The following CD99 variants were observed in gnomAD, a reference collection of about 807,000 sequenced individuals.
CD99 encodes CD99 molecule (Xg blood group), also known as CD99 antigen.
Under a neutral mutation model 28.4 loss-of-function variants are expected in CD99, and 19 were observed. The observed-to-expected ratio is 0.67, with a 90% confidence interval of 0.47 to 0.98. The LOEUF (loss-of-function observed/expected upper bound fraction) is 0.98. Ranked by LOEUF, CD99 falls within the 50% of genes least tolerant of loss-of-function variation. The pLI, the probability that CD99 is intolerant of heterozygous loss-of-function variation, is 0.00. For missense variants in CD99, 283 were observed against 248.8 expected (o/e 1.14, Z -0.92); for synonymous variants, 103 against 92.1 (o/e 1.12, Z -0.67).
intron 8 of CD99, among the ~76,000 whole-genome samples, chrX:2,737,010 C>T (rs1212911378): frequency 1.3e-5 from 2 of 151,764 alleles, no homozygotes; most frequent in African/African-American, 2.4e-5. Flanking sequence ...TCTTAGTGCT[C>T]GGAGTCCTCA....
intron 9 of CD99, 32 bp from the exon 10 acceptor site, chrX:2,740,747 G>A: frequency 1.9e-6 from 3 of 1,612,918 alleles, no homozygotes; most frequent in Non-Finnish European, 2.5e-6. Context: ...AGGGACCTGG[G>A]AATGACTTTC....
intron 8 of CD99, among the ~76,000 whole-genome samples, chrX:2,736,121 G>A (rs1335937825): frequency 6.6e-6 from 1 of 150,858 alleles, no homozygotes; most frequent in Non-Finnish European, 1.5e-5. Context: ...AGAATGGCGT[G>A]AACCCTGGAG....
At chrX:2,738,661 G>T (rs1216711805) in intron 9 of CD99, among the ~76,000 whole-genome samples, 1 of 151,646 alleles carries the variant, frequency 6.6e-6, no homozygotes, top group African/African-American at 2.4e-5. Flanking sequence ...GGAGGTAGAG[G>T]TTGCAGTGAG....
At position 2,704,151 on chromosome X, in the gene CD99, G is replaced by C. The variant is rs1411404171; in HGVS notation, c.68-10271G>C. ...TCTGAGAACTGCCGGTGTGAGGCGT[G>C]CTCAGCCCAGCCCAAACATTCACAC... On this transcript the variant is annotated intron_variant, in intron 1 of 9. Coordinates refer to ENST00000381192, the MANE Select transcript of CD99 (RefSeq NM_002414.5). Among the ~76,000 whole-genome samples, 3 of 152,310 alleles carry C rather than the reference G, an allele frequency of 2.0e-5. No homozygotes were observed. In the East Asian group the frequency reaches 5.8e-4, roughly 29 times the overall value.
intron 8 of CD99, chrX:2,737,862 AC>A (rs1418182877): frequency 2.1e-6 from 1 of 468,744 alleles, no homozygotes; most frequent in South Asian, 2.1e-5. Context: ...AGATGCACGT[AC>A]TTTTTTTTTT....
chrX:2,725,985 C>T (rs754686764), intron 7 of CD99, among the ~76,000 whole-genome samples: 73 of 152,312 alleles, frequency 4.8e-4, no homozygotes, highest in African/African-American at 1.6e-3. Flanking sequence ...GCCCGTACCT[C>T]GCTGGCCTCT....
chrX:2,691,534 C>T, intron 1 of CD99, 107 bp downstream of exon 1: 1 of 1,260,662 alleles, frequency 7.9e-7, no homozygotes, highest in Non-Finnish European at 1.1e-6. Flanking sequence ...ACACCCGGAG[C>T]CTCCTCCCTG....
intron 8 of CD99, among the ~76,000 whole-genome samples, chrX:2,735,042 A>C (rs1456985658): frequency 4.6e-5 from 7 of 152,136 alleles, no homozygotes; most frequent in Non-Finnish European, 8.8e-5. Flanking sequence ...GATGTGTCCC[A>C]AGGTGTCTCA....
intron 8 of CD99, among the ~76,000 whole-genome samples, chrX:2,727,566 C>T (rs1191203210): frequency 6.6e-6 from 1 of 152,084 alleles, no homozygotes; most frequent in African/African-American, 2.4e-5. Flanking sequence ...AGTCTCCACC[C>T]CACAGGTTCA....
intron 3 of CD99, chrX:2,717,918 T>A: frequency 2.3e-6 from 1 of 439,886 alleles, no homozygotes; most frequent in East Asian, 3.5e-5. Flanking sequence ...TGAGTTACTC[T>A]GTCTTTAGAT....
intron 1 of CD99, chrX:2,692,100 G>C: frequency 3.3e-6 from 2 of 600,554 alleles, no homozygotes; most frequent in Non-Finnish European, 5.9e-6. Flanking sequence ...AAAGTGGGCA[G>C]GGAAGAAAGA....
chrX:2,719,239 C>A (rs770551095), intron 3 of CD99: 40 of 196,534 alleles, frequency 2.0e-4, no homozygotes, highest in Middle Eastern at 2.3e-3. Flanking sequence ...CTGTCCCCTT[C>A]TCTTAGGGTC....
chrX:2,726,203 G>T, intron 7 of CD99, 57 bp from the exon 8 acceptor site: 1 of 1,057,112 alleles, frequency 9.5e-7, no homozygotes, highest in Non-Finnish European at 1.5e-6. Flanking sequence ...CTGCCCCCTG[G>T]GATCTTCTCT....
In CD99 at chrX:2,734,398, C is replaced by G. The variant is rs191704890; in HGVS notation, c.476-3802C>G. Among the ~76,000 whole-genome samples the G allele has an allele frequency of 3.4e-3, 520 of 152,108 alleles. 4 individuals are homozygous for G. Among genetic ancestry groups the G allele is most frequent in the African/African-American group, 0.012 (502 of 41,532 alleles). On this transcript the variant is annotated intron_variant, in intron 8 of 9. Coordinates refer to ENST00000381192, the MANE Select transcript of CD99 (RefSeq NM_002414.5). Reference sequence around the variant, plus strand: ...CTTGGCTCACTGCAGCCTCCACCTCCTGGGTTCAAGCGATTCTCCTGCCTC... The same window carrying G: ...CTTGGCTCACTGCAGCCTCCACCTCGTGGGTTCAAGCGATTCTCCTGCCTC...
intron 7 of CD99, among the ~76,000 whole-genome samples, chrX:2,724,543 A>G: frequency 6.6e-6 from 1 of 152,228 alleles, no homozygotes; most frequent in East Asian, 1.9e-4. Flanking sequence ...CTGAGGCGGG[A>G]GGATTGCTTG....
At chrX:2,705,079 A>T (rs1304298595) in intron 1 of CD99, among the ~76,000 whole-genome samples, 11 of 152,244 alleles carry the variant, frequency 7.2e-5, no homozygotes, top group Admixed American at 7.2e-4. Context: ...ACAGACATGA[A>T]GCCCTTCCCT....
At chrX:2,713,104 CAT>C (rs200361509) in intron 1 of CD99, among the ~76,000 whole-genome samples, 3,223 of 149,474 alleles carry the variant, frequency 0.022, 41 homozygotes, top group South Asian at 0.03. Context: ...ATGAAAAACA[CAT>C]ATACACACTA....
chrX:2,721,972 C>T (rs2049013188), intron 5 of CD99, among the ~76,000 whole-genome samples: 1 of 152,032 alleles, frequency 6.6e-6, no homozygotes, highest in African/African-American at 2.4e-5. Flanking sequence ...TGTTAATTTG[C>T]TGCAGATTTT....
intron 1 of CD99, among the ~76,000 whole-genome samples, chrX:2,702,095 C>G (rs1463794927): frequency 1.3e-5 from 2 of 152,306 alleles, no homozygotes; most frequent in African/African-American, 2.4e-5. Context: ...AGCTGTGCTC[C>G]TTAAACTGTA....
Sources: allele counts gnomAD v4.1 joint callset (sites outside exome capture counted in the v4.1 genomes callset), GRCh38; gene constraint gnomAD v4.1.1; transcripts MANE v1.5; gene names NCBI Gene and HGNC (gene_info 2026-07-23, HGNC 2026-07-21).